Variants in ANXA3 observed in about 807,000 individuals in gnomAD.
ANXA3 encodes the protein 35-alpha calcimedin.
Under a neutral mutation model 48.8 loss-of-function variants are expected in ANXA3, and 46 were observed. The ratio of observed to expected loss-of-function variants is 0.94; its 90% CI spans 0.74 to 1.21. The LOEUF (loss-of-function observed/expected upper bound fraction) is 1.21. Ranked by LOEUF, ANXA3 falls within the 50% of genes most tolerant of loss-of-function variation. ANXA3 has a pLI of 0.00. For missense variants in ANXA3, 383 were observed against 378.6 expected (o/e 1.01, Z -0.10); for synonymous variants, 128 against 134.7 (o/e 0.95, Z 0.35).
At chr4:78,579,501 C>T (rs1281909349) in intron 4 of ANXA3, among the ~76,000 whole-genome samples, 1 of 152,190 alleles carries the variant, frequency 6.6e-6, no homozygotes, top group Non-Finnish European at 1.5e-5. Context: ...ATGCTACAAG[C>T]ATCTGAGAAT....
Position 78,592,820 on chromosome 4 carries a change from A to G in ANXA3, c.483+1197A>G, listed in dbSNP as rs148046306. ...ACAGGGTGGTAGTGGTTAGTATTATATTAAGACCGATGATAATCAGCATTT... is the reference window on the plus strand; with the variant it reads ...ACAGGGTGGTAGTGGTTAGTATTATGTTAAGACCGATGATAATCAGCATTT... On this transcript the variant is annotated intron_variant, in intron 7 of 12. Transcript: ENST00000264908. Among the ~76,000 whole-genome samples, 4 of 152,332 alleles carry G rather than the reference A, an allele frequency of 2.6e-5. No homozygotes were observed. In the East Asian group the frequency reaches 7.7e-4, roughly 29 times the overall value.
chr4:78,571,050 C>CA (rs1297899264), intron 2 of ANXA3: 1 of 152,048 alleles, frequency 6.6e-6, no homozygotes, highest in Non-Finnish European at 1.5e-5. Context: ...CTCACTCTGT[C>CA]ACCTAGACTA....
chr4:78,586,355 C>T lies in ANXA3; in HGVS notation c.403+5C>T. On this transcript the variant is annotated splice_donor_5th_base_variant and intron_variant, in intron 6 of 12. Coordinates refer to ENST00000264908, the MANE Select transcript of ANXA3 (RefSeq NM_005139.3). ...TCTCTCAAGCCTATTATACAGGTGT[C>T]TTATTTTCTGCTTACCTTCACCACT... The T allele has an allele frequency of 6.2e-7, 1 of 1,603,806 alleles. No individual in the cohort carries two copies. The highest frequency in any genetic ancestry group is 1.7e-4 in the Middle Eastern group (1 of 6,030).
At chr4:78,605,326 C>T (rs576959613) in intron 12 of ANXA3, among the ~76,000 whole-genome samples, 16 of 152,270 alleles carry the variant, frequency 1.1e-4, no homozygotes, top group Non-Finnish European at 1.9e-4. Flanking sequence ...AATTGTATCT[C>T]AGTGTAGTTG....
intron 4 of ANXA3, 120 bp downstream of exon 4, chr4:78,579,241 A>G: frequency 1.6e-6 from 1 of 625,718 alleles, no homozygotes. Flanking sequence ...TGCCCTGTGC[A>G]TCCAGTCAGG....
chr4:78,578,286 G>GGAGAGAGAGAGC (rs1553900182), intron 3 of ANXA3, among the ~76,000 whole-genome samples: 1 of 81,182 alleles, frequency 1.2e-5, no homozygotes, highest in Non-Finnish European at 2.6e-5. Context: ...AGGGCGAAGG[G>GGAGAGAGAGAGC]GAGAGAGAGA....
chr4:78,607,294 G>A (rs1723667080), intron 12 of ANXA3, among the ~76,000 whole-genome samples: 1 of 152,154 alleles, frequency 6.6e-6, no homozygotes, highest in Admixed American at 6.6e-5. Context: ...TTGAAGAACA[G>A]GATCTTTTTA....
At chr4:78,595,743 C>A in intron 8 of ANXA3, 51 bp from the exon 9 acceptor site, 2 of 1,151,782 alleles carry the variant, frequency 1.7e-6, no homozygotes, top group Non-Finnish European at 2.6e-6. Context: ...TCTCATGTCA[C>A]CTCTCAAAAA....
chr4:78,598,134 C>T (rs1652855039), intron 10 of ANXA3, among the ~76,000 whole-genome samples: 1 of 151,590 alleles, frequency 6.6e-6, no homozygotes, highest in Admixed American at 6.6e-5. Flanking sequence ...AGTTCAAGGC[C>T]AGTTTGGGCA....
chr4:78,578,077 G>A (rs1578396300), intron 3 of ANXA3, among the ~76,000 whole-genome samples: 1 of 151,680 alleles, frequency 6.6e-6, no homozygotes, highest in Non-Finnish European at 1.5e-5. Flanking sequence ...TCAGGAGTTC[G>A]AGACCAGCCT....
chr4:78,584,950 C>T (rs1019523701), intron 5 of ANXA3, among the ~76,000 whole-genome samples: 1 of 152,172 alleles, frequency 6.6e-6, no homozygotes, highest in South Asian at 2.1e-4. Context: ...CCTTGGTAGG[C>T]TGTTGGGGAG....
intron 6 of ANXA3, among the ~76,000 whole-genome samples, chr4:78,590,025 A>G (rs1723257203): frequency 6.6e-6 from 1 of 152,212 alleles, no homozygotes; most frequent in Non-Finnish European, 1.5e-5. Context: ...GTAGTTGTCA[A>G]CTTAGGTTGA....
At chr4:78,607,515 T>C (rs1393942062) in intron 12 of ANXA3, among the ~76,000 whole-genome samples, 1 of 152,154 alleles carries the variant, frequency 6.6e-6, no homozygotes, top group African/African-American at 2.4e-5. Context: ...TAAGAAGATA[T>C]TATGGAAAAT....
rs1369376448 is a variant in ANXA3 at position 78,587,853 on chromosome 4, G to A, written c.403+1503G>A. On this transcript the variant is annotated intron_variant, in intron 6 of 12. Coordinates refer to ENST00000264908, the MANE Select transcript of ANXA3 (RefSeq NM_005139.3). ...TCACGCCTGTAATCACAGCACTTGGGGAGGCTGAGGTCAGCGGATCACAAG... is the reference window on the plus strand; with the variant it reads ...TCACGCCTGTAATCACAGCACTTGGAGAGGCTGAGGTCAGCGGATCACAAG... 3.9e-5 allele frequency among the ~76,000 whole-genome samples: 6 copies of A among 152,282 alleles called. No individual in the cohort carries two copies. In the East Asian group the frequency reaches 1.2e-3, roughly 29 times the overall value.
intron 4 of ANXA3, among the ~76,000 whole-genome samples, 185 bp from the exon 5 acceptor site, chr4:78,581,992 C>T (rs1469487438): frequency 6.6e-6 from 1 of 152,176 alleles, no homozygotes; most frequent in Non-Finnish European, 1.5e-5. Context: ...CAAAACAGAA[C>T]AATTTGGGAG....
At chr4:78,593,113 C>CCACACACA (rs59972919) in intron 7 of ANXA3, among the ~76,000 whole-genome samples, 11,510 of 143,874 alleles carry the variant, frequency 0.08, 562 homozygotes, top group East Asian at 0.12. Context: ...AACACACATA[C>CCACACACA]CACACACACA....
At chr4:78,575,014 C>A (rs542060180) in intron 3 of ANXA3, among the ~76,000 whole-genome samples, 1 of 152,202 alleles carries the variant, frequency 6.6e-6, no homozygotes, top group East Asian at 1.9e-4. Flanking sequence ...ATATTCTCAC[C>A]AACACTTGCT....
chr4:78,593,148 CACA>C (rs1418737120), intron 7 of ANXA3, among the ~76,000 whole-genome samples: 2,086 of 150,330 alleles, frequency 0.014, 52 homozygotes, highest in African/African-American at 0.048. Flanking sequence ...CACACACACA[CACA>C]CCACTTAAAC....
chr4:78,603,915 A>C (rs944441508), intron 11 of ANXA3: 16 of 159,432 alleles, frequency 1.0e-4, no homozygotes, highest in African/African-American at 3.8e-4. Context: ...TCACTTTCTC[A>C]GACTTTTCCT....
Sources: allele counts gnomAD v4.1 joint callset (sites outside exome capture counted in the v4.1 genomes callset), GRCh38; gene constraint gnomAD v4.1.1; transcripts MANE v1.5; gene names NCBI Gene and HGNC (gene_info 2026-07-23, HGNC 2026-07-21).